The following NRG1 variants were observed in gnomAD, a reference collection of about 807,000 sequenced individuals.
The protein encoded by NRG1 is neuregulin 1.
A neutral mutation model predicts 63.8 loss-of-function variants in NRG1; 18 were observed. The ratio of observed to expected loss-of-function variants is 0.28; its 90% confidence interval spans 0.19 to 0.42. The LOEUF (loss-of-function observed/expected upper bound fraction) is 0.42, where lower values mean the gene tolerates loss of function less well. Among genes scored for constraint, NRG1 ranks in the 10% least tolerant of loss-of-function variants. The probability of loss-of-function intolerance (pLI) is 1.00; values close to 1 mark genes in which losing one functional copy is unlikely to be tolerated. For missense variants in NRG1, 762 were observed against 814.7 expected (o/e 0.94, Z 0.79); for synonymous variants, 302 against 301.3 (o/e 1.00, Z -0.02).
At chr8:32,578,059 A>G (rs568925667) in intron 1 of NRG1, among the ~76,000 whole-genome samples, 1 of 152,272 alleles carries the variant, frequency 6.6e-6, no homozygotes, top group East Asian at 1.9e-4. Flanking sequence ...CAGTGGCTCC[A>G]TCTGAGCTCA....
At position 31,725,506 on chromosome 8, in the gene NRG1, T is replaced by G. The variant is rs1813344773; in HGVS notation, c.37+86075T>G. On this transcript the variant is annotated intron_variant, in intron 1 of 10. Transcript: ENST00000519301. ...TGCAAAAACAAATGTTTCAAAGTTT[T>G]GAGGTCTCAGCACTTTTCCAGGCAC... is the stretch of plus-strand genomic sequence containing the variant. Among the ~76,000 whole-genome samples the G allele has an allele frequency of 2.0e-5, 3 of 152,292 alleles. No homozygotes were observed. In the South Asian group the frequency reaches 6.2e-4, roughly 32 times the overall value.
At chr8:32,540,543 A>G (rs1042357587) in intron 1 of NRG1, among the ~76,000 whole-genome samples, 2 of 152,244 alleles carry the variant, frequency 1.3e-5, no homozygotes, top group Non-Finnish European at 2.9e-5. Context: ...GAACTTGAAG[A>G]CACAAATCTC....
At chr8:32,339,460 C>T (rs1191324936) in intron 1 of NRG1, among the ~76,000 whole-genome samples, 4 of 152,068 alleles carry the variant, frequency 2.6e-5, no homozygotes, top group Non-Finnish European at 5.9e-5. Context: ...ATTGGATAGG[C>T]CATGAATAGA....
chr8:31,650,580 A>G (rs952081380), intron 1 of NRG1, among the ~76,000 whole-genome samples: 3 of 152,180 alleles, frequency 2.0e-5, no homozygotes, highest in Non-Finnish European at 4.4e-5. Flanking sequence ...TGCTTCCATA[A>G]TGAAACTAGT....
intron 1 of NRG1, among the ~76,000 whole-genome samples, chr8:31,816,537 C>T (rs1467806378): frequency 6.6e-6 from 1 of 152,192 alleles, no homozygotes; most frequent in East Asian, 1.9e-4. Flanking sequence ...CCAAGATGTC[C>T]TGACACATTT....
upstream of NRG1, among the ~76,000 whole-genome samples, chr8:32,547,492 T>C (rs1563615062): frequency 6.6e-6 from 1 of 151,986 alleles, no homozygotes. Context: ...CCTCTGAAAA[T>C]TAAGTTGTAG....
chr8:32,176,588 G>T (rs1225370147), intron 1 of NRG1, among the ~76,000 whole-genome samples: 1 of 152,024 alleles, frequency 6.6e-6, no homozygotes, highest in Non-Finnish European at 1.5e-5. Flanking sequence ...TCTGTCAAAG[G>T]GCTAATATCC....
intron 1 of NRG1, among the ~76,000 whole-genome samples, chr8:32,212,042 C>T (rs900732627): frequency 6.6e-6 from 1 of 151,948 alleles, no homozygotes; most frequent in African/African-American, 2.4e-5. Flanking sequence ...AGCATTTTAT[C>T]CTTTCTTCCT....
chr8:32,528,286 A>G (rs933643907), intron 1 of NRG1, among the ~76,000 whole-genome samples: 10 of 152,228 alleles, frequency 6.6e-5, no homozygotes, highest in South Asian at 4.1e-4. Context: ...TATAAGCTTA[A>G]TCAAGGTGAT....
exon 12 of NRG1, chr8:32,764,266 C>T (rs1219139179): frequency 1.2e-6 from 2 of 1,613,994 alleles, no homozygotes; most frequent in African/African-American, 2.7e-5. Context: ...AACCCCCTGG[C>T]AGCCAGTCTT....
chr8:32,189,588 A>G (rs1257330757), intron 1 of NRG1, among the ~76,000 whole-genome samples: 2 of 152,190 alleles, frequency 1.3e-5, no homozygotes, highest in African/African-American at 4.8e-5. Flanking sequence ...AGAGAGAATG[A>G]AATAAGAAAG....
At chr8:32,094,601 A>G (rs1307513133) in intron 1 of NRG1, among the ~76,000 whole-genome samples, 1 of 152,184 alleles carries the variant, frequency 6.6e-6, no homozygotes. Flanking sequence ...ATTTGAAATT[A>G]CTTTGCTAAG....
intron 1 of NRG1, among the ~76,000 whole-genome samples, chr8:31,913,753 G>C (rs1217975066): frequency 1.3e-5 from 2 of 152,264 alleles, no homozygotes; most frequent in East Asian, 3.9e-4. Context: ...AATTAGCGCA[G>C]TTTGCATACT....
At chr8:31,950,846 T>G (rs534635469) in intron 1 of NRG1, among the ~76,000 whole-genome samples, 1 of 152,214 alleles carries the variant, frequency 6.6e-6, no homozygotes, top group African/African-American at 2.4e-5. Flanking sequence ...TTGGGCATTT[T>G]GGCCTCCCCA....
chr8:31,660,563 G>T (rs1805890295), intron 1 of NRG1, among the ~76,000 whole-genome samples: 1 of 152,174 alleles, frequency 6.6e-6, no homozygotes, highest in African/African-American at 2.4e-5. Context: ...CTTATTATTT[G>T]CCCTATCTTT....
chr8:32,430,107 G>A (rs923338174), intron 1 of NRG1, among the ~76,000 whole-genome samples: 2 of 152,060 alleles, frequency 1.3e-5, no homozygotes, highest in African/African-American at 4.8e-5. Flanking sequence ...TGTGTTTCCA[G>A]CCTTAGGACA....
intron 1 of NRG1, among the ~76,000 whole-genome samples, chr8:32,206,050 G>C (rs1844029881): frequency 6.6e-6 from 1 of 152,096 alleles, no homozygotes; most frequent in Non-Finnish European, 1.5e-5. Context: ...GTTACAATGA[G>C]CTATGATCAT....
At chr8:32,617,580 T>A (rs1276175882) in intron 5 of NRG1, among the ~76,000 whole-genome samples, 3 of 152,340 alleles carry the variant, frequency 2.0e-5, no homozygotes, top group Non-Finnish European at 4.4e-5. Context: ...ATCATCGTAT[T>A]AAATTTTGAT....
At chr8:32,157,093 A>C (rs903784835) in intron 1 of NRG1, among the ~76,000 whole-genome samples, 7 of 108,382 alleles carry the variant, frequency 6.5e-5, no homozygotes, top group African/African-American at 2.7e-4. Flanking sequence ...TGTGTGTGTA[A>C]GGAGAGGTGG....
Sources: allele counts gnomAD v4.1 joint callset (sites outside exome capture counted in the v4.1 genomes callset), GRCh38; gene constraint gnomAD v4.1.1; transcripts MANE v1.5; gene names NCBI Gene and HGNC (gene_info 2026-07-23, HGNC 2026-07-21).